Variants in DCAF8L2 observed in about 807,000 individuals in gnomAD.
The protein encoded by DCAF8L2 is DDB1- and CUL4-associated factor 8-like protein 2.
For synonymous variants in DCAF8L2, 200 were observed against 190.9 expected, an observed-to-expected ratio of 1.05 and a Z score of -0.39; for missense variants, 430 against 490.7, an observed-to-expected ratio of 0.88 and a Z score of 1.17.
chrX:27,652,760 T>G (rs776512869), intron 2 of DCAF8L2, among the ~76,000 whole-genome samples: 1 of 112,138 alleles, frequency 8.9e-6, no homozygotes, highest in South Asian at 3.7e-4. Flanking sequence ...AATGTGTTTG[T>G]GATCATTGCC....
intron 1 of DCAF8L2, among the ~76,000 whole-genome samples, chrX:27,595,212 A>G (rs1926294915): frequency 9.0e-6 from 1 of 111,607 alleles, no homozygotes; most frequent in Non-Finnish European, 1.9e-5. Context: ...CATGTTGATG[A>G]CTGGCAAAGT....
the DCAF8L2 span, among the ~76,000 whole-genome samples, chrX:27,576,671 A>G: frequency 8.9e-6 from 1 of 112,269 alleles, no homozygotes; most frequent in Non-Finnish European, 1.9e-5. Context: ...GTGCAAAAAT[A>G]TAGAAAGAAA....
At chrX:27,671,522 C>T (rs1399699920) in intron 2 of DCAF8L2, among the ~76,000 whole-genome samples, 1 of 111,669 alleles carries the variant, frequency 9.0e-6, no homozygotes, top group Non-Finnish European at 1.9e-5. Context: ...CTTGAATACA[C>T]AAAAAGAATC....
the DCAF8L2 span, among the ~76,000 whole-genome samples, chrX:27,533,030 T>C: frequency 2.9e-5 from 3 of 102,118 alleles, no homozygotes; most frequent in African/African-American, 1.1e-4. Flanking sequence ...TGAGCCGAGA[T>C]TGAACCACTG....
intron 3 of DCAF8L2, among the ~76,000 whole-genome samples, chrX:27,706,800 A>C (rs5926873): frequency 0.51 from 56,048 of 110,285 alleles, 10,739 homozygotes; most frequent in African/African-American, 0.66. Flanking sequence ...AGAAAAATGG[A>C]AACATATGCC....
intron 3 of DCAF8L2, among the ~76,000 whole-genome samples, chrX:27,678,912 G>C (rs1007839692): frequency 1.8e-5 from 2 of 111,795 alleles, no homozygotes; most frequent in African/African-American, 3.3e-5. Context: ...AGATGTAAAT[G>C]AAAGTGTCAT....
chrX:27,490,951 G>A, the DCAF8L2 span, among the ~76,000 whole-genome samples: 1 of 111,217 alleles, frequency 9.0e-6, no homozygotes, highest in African/African-American at 3.3e-5. Flanking sequence ...ATAAATCCAG[G>A]CTATATAAAG....
At chrX:27,517,677 T>A in the DCAF8L2 span, 1 of 685,913 alleles carries the variant, frequency 1.5e-6, no homozygotes, top group Non-Finnish European at 2.3e-6. Context: ...TTTGGCGAGG[T>A]GGGATGCATT....
At chrX:27,727,242 T>G (rs973796091) in intron 4 of DCAF8L2, among the ~76,000 whole-genome samples, 3 of 111,726 alleles carry the variant, frequency 2.7e-5, no homozygotes, top group African/African-American at 9.7e-5. Flanking sequence ...GTCTTCCAAC[T>G]TTTTTCATTA....
At chrX:27,556,297 C>G in the DCAF8L2 span, among the ~76,000 whole-genome samples, 1 of 111,598 alleles carries the variant, frequency 9.0e-6, no homozygotes, top group African/African-American at 3.3e-5. Context: ...CACAGAGATA[C>G]TAAAGACTAC....
At chrX:27,532,497 G>C in the DCAF8L2 span, among the ~76,000 whole-genome samples, 5 of 111,344 alleles carry the variant, frequency 4.5e-5, no homozygotes, top group Non-Finnish European at 5.6e-5. Context: ...GACTGAGAAA[G>C]CAAAGCTCTT....
intron 3 of DCAF8L2, among the ~76,000 whole-genome samples, chrX:27,688,344 C>T (rs1253360545): frequency 8.9e-6 from 1 of 111,782 alleles, no homozygotes; most frequent in Non-Finnish European, 1.9e-5. Flanking sequence ...TTGCTTAATT[C>T]ACCTAAGCAA....
the DCAF8L2 span, among the ~76,000 whole-genome samples, chrX:27,476,461 T>C: frequency 4.5e-5 from 5 of 111,670 alleles, no homozygotes; most frequent in Non-Finnish European, 9.4e-5. Context: ...ACCAACTTGG[T>C]GCATGCTGAT....
intron 1 of DCAF8L2, among the ~76,000 whole-genome samples, chrX:27,593,717 C>T (rs1395688009): frequency 4.5e-5 from 5 of 111,979 alleles, no homozygotes; most frequent in Non-Finnish European, 7.5e-5. Flanking sequence ...CTGGGCGATG[C>T]GAGGTACAGG....
At chrX:27,519,317 G>A in the DCAF8L2 span, 3 of 1,054,443 alleles carry the variant, frequency 2.8e-6, no homozygotes, top group Admixed American at 6.6e-5. Context: ...GAAGCAGAGC[G>A]GCTTGAAAAG....
At chrX:27,471,542 C>A in the DCAF8L2 span, among the ~76,000 whole-genome samples, 6 of 110,972 alleles carry the variant, frequency 5.4e-5, no homozygotes, top group African/African-American at 1.6e-4. Context: ...GACCTCCACG[C>A]CCCTATATTT....
chrX:27,516,232 C>T, the DCAF8L2 span, among the ~76,000 whole-genome samples: 3 of 110,443 alleles, frequency 2.7e-5, no homozygotes, highest in African/African-American at 6.6e-5. Flanking sequence ...ATTAGAGCCT[C>T]CTAACTGGAA....
In DCAF8L2 at chrX:27,747,282, A is replaced by G. The variant is rs752505329; in HGVS notation, c.387A>G (p.Glu129=). 4.0e-4 allele frequency: 372 copies of G among 939,164 alleles called. 2 individuals are homozygous for G. In the African/African-American group the frequency reaches 6.4e-3, roughly 16 times the overall value. The allele number at this position is 939,164 out of a possible 1,213,427, so 77.4% of individuals were successfully genotyped here. Residue 129 remains glutamate, a synonymous_variant, in exon 5 of 5, where the codon GAA becomes GAG. Transcript: ENST00000451261. ...EIQEEGGEEE[E]EEEEEEEEEE... Reference sequence around the variant, plus strand: ...AAGAGGAGGGAGGGGAGGAGGAGGAAGAGGAGGAGGAGGAGGAGGAGGAGG... The same window carrying G: ...AAGAGGAGGGAGGGGAGGAGGAGGAGGAGGAGGAGGAGGAGGAGGAGGAGG...
rs1931695192 is a variant in DCAF8L2 at position 27,716,147 on chromosome X, A to C, written c.-83A>C. 1 of 111,737 alleles carries C rather than the reference A, an allele frequency of 8.9e-6. No homozygotes were observed. The highest frequency in any genetic ancestry group is 2.8e-4 in the East Asian group (1 of 3,559). The allele number at this position is 111,737 out of a possible 1,213,427, so 9.2% of individuals were successfully genotyped here. A position where few individuals can be genotyped will look rare whatever the true frequency, so the allele number is the denominator to read the frequency against. On this transcript the variant is annotated 5_prime_UTR_variant, in exon 4 of 5. Transcript: ENST00000451261. ...TCAGGACGGTGTGGAATCAGTGGGG[A>C]AATCTCTAATTGCTACTGACACAGG...
Sources: gnomAD v4.1 joint callset for allele counts (sites outside exome capture counted in the v4.1 genomes callset) on GRCh38, gnomAD v4.1.1 for gene constraint, MANE v1.5 for transcripts, NCBI Gene and HGNC (gene_info 2026-07-23, HGNC 2026-07-21) for gene names.